Variants in UHMK1 observed in about 807,000 individuals in gnomAD.
UHMK1 encodes U2AF homology motif kinase 1.
Under a neutral mutation model 44.0 loss-of-function variants are expected in UHMK1, and 18 were observed. The observed-to-expected ratio is 0.41, with a 90% CI of 0.28 to 0.61. The LOEUF (loss-of-function observed/expected upper bound fraction) is 0.61. UHMK1 is among the 20% of genes least tolerant of loss of function. The pLI, the probability that UHMK1 is intolerant of heterozygous loss-of-function variation, is 0.31. For synonymous variants in UHMK1, 231 were observed against 198.5 expected (o/e 1.16, Z -1.38); for missense variants, 463 against 522.5 (o/e 0.89, Z 1.11).
intron 7 of UHMK1, among the ~76,000 whole-genome samples, chr1:162,519,331 A>G (rs539859017): frequency 4.1e-5 from 6 of 147,092 alleles, no homozygotes; most frequent in Non-Finnish European, 6.0e-5. Context: ...AAAAAAAAAC[A>G]GTAACACCAA....
At chr1:162,498,975 A>G (rs992996950) in intron 1 of UHMK1, among the ~76,000 whole-genome samples, 5 of 152,160 alleles carry the variant, frequency 3.3e-5, no homozygotes, top group Non-Finnish European at 5.9e-5. Context: ...GAGTTTTTTT[A>G]TAATATCATT....
At chr1:162,516,220 A>G (rs1399853423) in intron 6 of UHMK1, among the ~76,000 whole-genome samples, 1 of 152,218 alleles carries the variant, frequency 6.6e-6, no homozygotes, top group East Asian at 1.9e-4. Flanking sequence ...ACCAAAGTGC[A>G]GCAGACAATA....
At chr1:162,519,269 T>C (rs1302229379) in intron 7 of UHMK1, among the ~76,000 whole-genome samples, 3 of 151,550 alleles carry the variant, frequency 2.0e-5, no homozygotes, top group Non-Finnish European at 2.9e-5. Flanking sequence ...CAAGCTGAGA[T>C]TGCTTTATGG....
chr1:162,500,656 T>G (rs1038034611), intron 2 of UHMK1: 14 of 460,418 alleles, frequency 3.0e-5, no homozygotes, highest in African/African-American at 2.5e-4. Flanking sequence ...GCAGTGTCCT[T>G]ATTATCAGCA....
chr1:162,506,812 TAAG>T (rs1007369771), intron 4 of UHMK1, among the ~76,000 whole-genome samples: 2 of 151,986 alleles, frequency 1.3e-5, no homozygotes, highest in African/African-American at 4.8e-5. Flanking sequence ...TGCAGTGAGC[TAAG>T]ATCGTGCCAC....
Position 162,512,581 on chromosome 1 carries a change from G to A in UHMK1, c.925+5G>A. On this transcript the variant is annotated splice_donor_5th_base_variant and intron_variant, in intron 5 of 7. Transcript: ENST00000489294. ...CATTCTTTAGCATTCCTTTTGGTAA[G>A]TTGTGTATTCTTTTATTTTTTTCTT... is the stretch of plus-strand genomic sequence containing the variant. 1 of 1,609,592 alleles carries A rather than the reference G, an allele frequency of 6.2e-7. No individual in the cohort carries two copies. The highest frequency in any genetic ancestry group is 8.5e-7 in the Non-Finnish European group (1 of 1,179,014).
chr1:162,509,678 G>C (rs1360155525), intron 4 of UHMK1, among the ~76,000 whole-genome samples: 1 of 152,162 alleles, frequency 6.6e-6, no homozygotes, highest in African/African-American at 2.4e-5. Context: ...GTCACACTCT[G>C]TTGCCCAGGC....
In UHMK1 at chr1:162,526,527, T is replaced by G. The variant is rs1652258456; in HGVS notation, c.*3977T>G. ...CAAGTGCCTTGTGTTTGCTGGAAAA[T>G]ATTAAAACTCATTTGGGTGAAAGCT... On this transcript the variant is annotated 3_prime_UTR_variant, in exon 8 of 8. Transcript: ENST00000489294. 1 of 152,078 alleles carries G rather than the reference T, an allele frequency of 6.6e-6. No individual in the cohort carries two copies. The highest frequency in any genetic ancestry group is 1.9e-4 in the East Asian group (1 of 5,192). 9.4% of individuals were successfully genotyped at this position (152,078 alleles called of 1,614,324 possible).
chr1:162,513,008 A>T, intron 6 of UHMK1, 185 bp downstream of exon 6: 1 of 559,806 alleles, frequency 1.8e-6, no homozygotes, highest in Non-Finnish European at 3.0e-6. Context: ...GCTGGAGTGC[A>T]GTGGCACGAT....
Position 162,499,814 on chromosome 1 carries a change from T to C in UHMK1, c.269-141T>C, listed in dbSNP as rs1308924179. The C allele has an allele frequency of 4.0e-6, 3 of 755,400 alleles. No homozygotes were observed. In the African/African-American group the frequency reaches 5.3e-5, roughly 13 times the overall value. 46.8% of individuals were successfully genotyped at this position (755,400 alleles called of 1,614,324 possible). A position where few individuals can be genotyped will look rare whatever the true frequency, so the allele number is the denominator to read the frequency against. On this transcript the variant is annotated intron_variant, in intron 1 of 7. Coordinates refer to ENST00000489294, the MANE Select transcript of UHMK1 (RefSeq NM_175866.5). ...CCCAATTGCCAAAAGATCTTATTCATGGGAAAAATAAATTACAGTGGAAGC... is the reference window on the plus strand; with the variant it reads ...CCCAATTGCCAAAAGATCTTATTCACGGGAAAAATAAATTACAGTGGAAGC...
At chr1:162,509,175 A>C (rs948025081) in intron 4 of UHMK1, among the ~76,000 whole-genome samples, 8 of 152,184 alleles carry the variant, frequency 5.3e-5, no homozygotes, top group African/African-American at 1.9e-4. Context: ...TTTCTTATAT[A>C]GGGCTCCCTC....
In UHMK1 at chr1:162,515,893, G is replaced by C. The variant is rs1236959520; in HGVS notation, c.1025-2209G>C. 7.9e-5 allele frequency among the ~76,000 whole-genome samples: 12 copies of C among 152,180 alleles called. No individual in the cohort carries two copies. In the East Asian group the frequency reaches 2.3e-3, roughly 29 times the overall value. On this transcript the variant is annotated intron_variant, in intron 6 of 7. Transcript: ENST00000489294. ...ACTAAAAATACAAAAAATTAGCCGG[G>C]CGTGGTGGCGGGCGCCTGTAGTCCC...
At position 162,522,582 on chromosome 1, in the gene UHMK1, C is replaced by G. The variant is rs1304123385; in HGVS notation, c.*32C>G. On this transcript the variant is annotated 3_prime_UTR_variant, in exon 8 of 8. Transcript: ENST00000489294. ...ACCTAAGGACTGTTTCCTTTTTCTCCTCTTCCATTTCTTGGGTTATTCCAC... is the reference window on the plus strand; with the variant it reads ...ACCTAAGGACTGTTTCCTTTTTCTCGTCTTCCATTTCTTGGGTTATTCCAC... 2 of 1,601,716 alleles carry G rather than the reference C, an allele frequency of 1.2e-6. No homozygotes were observed. The highest frequency in any genetic ancestry group is 2.3e-5 in the South Asian group (2 of 88,874).
chr1:162,520,860 A>T (rs12090772), intron 7 of UHMK1, among the ~76,000 whole-genome samples: 1 of 152,216 alleles, frequency 6.6e-6, no homozygotes, highest in Non-Finnish European at 1.5e-5. Context: ...ATCTGACTCA[A>T]TATTAGCCCC....
At chr1:162,520,661 A>G (rs771805825) in intron 7 of UHMK1, among the ~76,000 whole-genome samples, 7 of 152,198 alleles carry the variant, frequency 4.6e-5, no homozygotes, top group Non-Finnish European at 1.0e-4. Flanking sequence ...TATTCCTGGC[A>G]GATTTGAGGA....
intron 7 of UHMK1, among the ~76,000 whole-genome samples, chr1:162,519,541 A>G (rs983187964): frequency 6.6e-6 from 1 of 152,200 alleles, no homozygotes; most frequent in Non-Finnish European, 1.5e-5. Flanking sequence ...TAGCTTTGTG[A>G]TGATCCTCAT....
At chr1:162,518,426 G>A (rs1651920409) in intron 7 of UHMK1, among the ~76,000 whole-genome samples, 1 of 151,762 alleles carries the variant, frequency 6.6e-6, no homozygotes, top group Admixed American at 6.6e-5. Context: ...GCTGGGTGTG[G>A]TGGTTACGCC....
rs776582132 is a variant in UHMK1, at chr1:162,501,055, T to C, written c.704T>C (p.Met235Thr). Reference sequence around the variant, plus strand: ...AGCCTAGGAATCATTTTACTGGAAATGTTCTCAGGAATGAAACTGAAACAT... The same window carrying C: ...AGCCTAGGAATCATTTTACTGGAAACGTTCTCAGGAATGAAACTGAAACAT... ...LWSLGIILLE[M>T]FSGMKLKHTV... The change falls in exon 3 of 8, where the codon ATG becomes ACG. Residue 235 changes from methionine to threonine, a missense_variant. Physicochemically the swap from Met to Thr is moderately conservative, Grantham distance 81. Coordinates refer to ENST00000489294, the MANE Select transcript of UHMK1 (RefSeq NM_175866.5). 2.5e-6 allele frequency: 4 copies of C among 1,614,072 alleles called. No individual in the cohort carries two copies. The South Asian group carries it at 4.4e-5, about 18-fold the overall frequency.
rs867655634 is a variant in UHMK1, at chr1:162,527,368, G to C, written c.*4818G>C. ...AATATTTTTTGCTGTAATTTTATAG[G>C]AGCAGTGGACTGTAAGAGAAATATC... On this transcript the variant is annotated 3_prime_UTR_variant, in exon 8 of 8. Coordinates refer to ENST00000489294, the MANE Select transcript of UHMK1 (RefSeq NM_175866.5). 1 of 152,142 alleles carries C rather than the reference G, an allele frequency of 6.6e-6. No individual in the cohort carries two copies. Among genetic ancestry groups the C allele is most frequent in the Non-Finnish European group, 1.5e-5 (1 of 67,934 alleles). 9.4% of individuals were successfully genotyped at this position (152,142 alleles called of 1,614,324 possible). A position where few individuals can be genotyped will look rare whatever the true frequency, so the allele number is the denominator to read the frequency against.
Sources: gnomAD v4.1 joint callset for allele counts (sites outside exome capture counted in the v4.1 genomes callset) on GRCh38, gnomAD v4.1.1 for gene constraint, MANE v1.5 for transcripts, NCBI Gene and HGNC (gene_info 2026-07-23, HGNC 2026-07-21) for gene names.